Variants in ADAMTS6 observed in about 807,000 individuals in gnomAD.
ADAMTS6 encodes the protein ADAM metallopeptidase with thrombospondin type 1 motif 6, also known as A disintegrin and metalloproteinase with thrombospondin motifs 6.
Under a neutral mutation model 144.3 loss-of-function variants are expected in ADAMTS6, and 23 were observed. That is an observed-to-expected ratio of 0.16 (90% CI 0.11 to 0.23). The LOEUF (loss-of-function observed/expected upper bound fraction) is 0.23. Among genes scored for constraint, ADAMTS6 ranks in the 10% least tolerant of loss-of-function variants. The probability of loss-of-function intolerance (pLI) is 1.00; values close to 1 mark genes in which losing one functional copy is unlikely to be tolerated. For missense variants in ADAMTS6, 999 were observed against 1,379.6 expected (o/e 0.72, Z 4.37); for synonymous variants, 444 against 457.5 (o/e 0.97, Z 0.38).
chr5:65,452,940 CA>C, intron 4 of ADAMTS6, 22 bp from the exon 5 acceptor site: 1 of 1,574,276 alleles, frequency 6.4e-7, no homozygotes, highest in Admixed American at 1.7e-5. Flanking sequence ...GCAGCCAATT[CA>C]GATAGGTTCA....
chr5:65,375,747 C>T (rs1000441446), intron 7 of ADAMTS6, among the ~76,000 whole-genome samples: 9 of 152,066 alleles, frequency 5.9e-5, no homozygotes, highest in African/African-American at 2.2e-4. Context: ...TTGACCCAGC[C>T]ATCCCATTAC....
chr5:65,220,549 A>ATCC (rs1757248070), intron 18 of ADAMTS6, among the ~76,000 whole-genome samples: 1 of 152,106 alleles, frequency 6.6e-6, no homozygotes, highest in African/African-American at 2.4e-5. Flanking sequence ...GATCGAGGTA[A>ATCC]TCCTGGCTAA....
chr5:65,256,814 C>T (rs961892339), intron 14 of ADAMTS6, among the ~76,000 whole-genome samples: 1 of 151,968 alleles, frequency 6.6e-6, no homozygotes. Context: ...TTTTTTCTCA[C>T]TTCTACCTAA....
At chr5:65,178,892 G>T (rs891561688) in intron 22 of ADAMTS6, among the ~76,000 whole-genome samples, 6 of 152,146 alleles carry the variant, frequency 3.9e-5, no homozygotes, top group Non-Finnish European at 7.3e-5. Context: ...CGGTATCAGA[G>T]AGCCCAGTTG....
intron 9 of ADAMTS6, among the ~76,000 whole-genome samples, chr5:65,310,820 T>C (rs1744420823): frequency 1.3e-5 from 2 of 152,200 alleles, no homozygotes; most frequent in South Asian, 2.1e-4. Context: ...AAAAGTTCTA[T>C]AGGTAAATGA....
chr5:65,338,059 A>C (rs575304629), intron 7 of ADAMTS6, among the ~76,000 whole-genome samples: 1 of 152,356 alleles, frequency 6.6e-6, no homozygotes, highest in South Asian at 2.1e-4. Flanking sequence ...CTAACTTCAG[A>C]CTAGGCTAAG....
chr5:65,476,200 T>C (rs1760829697), intron 1 of ADAMTS6, among the ~76,000 whole-genome samples: 1 of 152,166 alleles, frequency 6.6e-6, no homozygotes, highest in East Asian at 1.9e-4. Flanking sequence ...TGCAAGAAAC[T>C]AAATCCTGTT....
chr5:65,339,340 C>G (rs1040704483), intron 7 of ADAMTS6, among the ~76,000 whole-genome samples: 3 of 151,994 alleles, frequency 2.0e-5, no homozygotes, highest in Admixed American at 1.3e-4. Context: ...CACCCCAAGA[C>G]CTATTTATAT....
At position 65,180,367 on chromosome 5, in the gene ADAMTS6, G is replaced by C. The variant is rs189320577; in HGVS notation, c.2911-7359C>G. Among the ~76,000 whole-genome samples the C allele has an allele frequency of 3.8e-3, 574 of 152,076 alleles. 3 individuals carry two copies. Among genetic ancestry groups the C allele is most frequent in the Non-Finnish European group, 6.7e-3 (458 of 67,972 alleles). ...GTAGCTCGAGAAGAGGCTTTAGTTA[G>C]GGAGTGAAGATCAAGAGAGAAATTC... On this transcript the variant is annotated intron_variant, in intron 22 of 24. Coordinates refer to ENST00000381055, the MANE Select transcript of ADAMTS6 (RefSeq NM_197941.4).
At chr5:65,273,250 T>C (rs1477818977) in intron 12 of ADAMTS6, 90 bp downstream of exon 12, 6 of 1,061,898 alleles carry the variant, frequency 5.7e-6, no homozygotes, top group Non-Finnish European at 7.1e-6. Flanking sequence ...TTTAAATGAA[T>C]ATATAAGACT....
intron 7 of ADAMTS6, among the ~76,000 whole-genome samples, chr5:65,362,424 AT>A (rs1749917341): frequency 6.6e-6 from 1 of 152,194 alleles, no homozygotes; most frequent in Non-Finnish European, 1.5e-5. Flanking sequence ...ATCAAAAATC[AT>A]TTCATTTCAT....
intron 22 of ADAMTS6, among the ~76,000 whole-genome samples, chr5:65,175,567 T>C (rs547837165): frequency 6.6e-6 from 1 of 150,714 alleles, no homozygotes; most frequent in South Asian, 2.1e-4. Context: ...TCAAAAATCC[T>C]TAACCCAGTA....
chr5:65,413,941 C>T (rs1015576641), intron 7 of ADAMTS6, among the ~76,000 whole-genome samples: 1 of 152,040 alleles, frequency 6.6e-6, no homozygotes, highest in Non-Finnish European at 1.5e-5. Context: ...AAATATGATC[C>T]TTTGGCATAT....
intron 15 of ADAMTS6, among the ~76,000 whole-genome samples, chr5:65,238,374 A>C (rs1758866308): frequency 6.6e-6 from 1 of 152,068 alleles, no homozygotes; most frequent in Admixed American, 6.6e-5. Flanking sequence ...AGGTCGAGTC[A>C]TGTGGATCAC....
At chr5:65,259,909 T>C (rs1239135296) in intron 14 of ADAMTS6, among the ~76,000 whole-genome samples, 1 of 152,124 alleles carries the variant, frequency 6.6e-6, no homozygotes, top group African/African-American at 2.4e-5. Flanking sequence ...GGTTTTTAGA[T>C]AGGGGGAGGA....
intron 20 of ADAMTS6, among the ~76,000 whole-genome samples, chr5:65,206,493 G>A (rs1303324100): frequency 6.6e-6 from 1 of 152,034 alleles, no homozygotes; most frequent in African/African-American, 2.4e-5. Context: ...TGGGTCAGGA[G>A]TTCGAGACCA....
At chr5:65,315,891 C>A (rs1744942314) in intron 9 of ADAMTS6, among the ~76,000 whole-genome samples, 1 of 151,608 alleles carries the variant, frequency 6.6e-6, no homozygotes, top group Non-Finnish European at 1.5e-5. Context: ...ATACACAAAT[C>A]CACTATTATA....
intron 4 of ADAMTS6, among the ~76,000 whole-genome samples, chr5:65,456,503 T>A (rs1409657867): frequency 5.9e-5 from 9 of 152,192 alleles, no homozygotes; most frequent in African/African-American, 2.2e-4. Flanking sequence ...TCATAGTACT[T>A]ACTACTTCTG....
chr5:65,333,847 A>G (rs1747019071), intron 8 of ADAMTS6, among the ~76,000 whole-genome samples, 195 bp downstream of exon 8: 1 of 151,434 alleles, frequency 6.6e-6, no homozygotes, highest in South Asian at 2.1e-4. Flanking sequence ...GATGGTAATA[A>G]ATATTTGTTT....
Sources: allele counts gnomAD v4.1 joint callset (sites outside exome capture counted in the v4.1 genomes callset), GRCh38; gene constraint gnomAD v4.1.1; transcripts MANE v1.5; gene names NCBI Gene and HGNC (gene_info 2026-07-23, HGNC 2026-07-21).